The following RSRP1 variants were observed in gnomAD, a reference collection of about 807,000 sequenced individuals.
RSRP1 encodes arginine/serine-rich protein 1.
In RSRP1, 37 loss-of-function variants were observed where a neutral mutation model predicts 33.0. That is an observed-to-expected ratio of 1.12 (90% CI 0.86 to 1.48). The LOEUF is 1.48. RSRP1 is among the 40% of genes most tolerant of loss of function. RSRP1 has a pLI of 0.00. For missense variants in RSRP1, 402 were observed against 385.3 expected (o/e 1.04, Z -0.36); for synonymous variants, 167 against 158.7 (o/e 1.05, Z -0.40).
At chr1:25,315,148 C>G (rs1644371159) in intron 1 of RSRP1, among the ~76,000 whole-genome samples, 1 of 129,582 alleles carries the variant, frequency 7.7e-6, no homozygotes, top group Admixed American at 7.6e-5. Flanking sequence ...CAGCAAGACT[C>G]CATCTCAAAA....
chr1:25,251,012 GA>G (rs1443972697), upstream of RSRP1, among the ~76,000 whole-genome samples: 1 of 148,006 alleles, frequency 6.8e-6, no homozygotes, highest in Non-Finnish European at 1.5e-5. Flanking sequence ...CCAACTCAAA[GA>G]AAAAAATAAT....
Position 25,315,745 on chromosome 1 carries a change from C to G in RSRP1, c.-67+22233G>C, listed in dbSNP as rs1476913393. On this transcript the variant is annotated intron_variant, in intron 1 of 1. Transcript: ENST00000561867. ...TCTCCTGACCTCATGATCTGCCCGC[C>G]TCGGCCTCCCAAAGTGTGGGGATTA... is the stretch of plus-strand genomic sequence containing the variant. Among the ~76,000 whole-genome samples, 2 of 130,286 alleles carry G rather than the reference C, an allele frequency of 1.5e-5. 1 individual carries two copies. The highest frequency in any genetic ancestry group is 3.6e-5 in the Non-Finnish European group (2 of 55,432). The allele number at this position is 130,286 out of a possible 152,430, so 85.5% of individuals were successfully genotyped here. A position where few individuals can be genotyped will look rare whatever the true frequency, so the allele number is the denominator to read the frequency against.
chr1:25,268,269 A>G (rs1640385435), intron 1 of RSRP1, among the ~76,000 whole-genome samples: 1 of 132,524 alleles, frequency 7.5e-6, no homozygotes, highest in Non-Finnish European at 1.8e-5. Flanking sequence ...CTGTAATCCC[A>G]GTACTTTGCG....
chr1:25,316,546 A>G (rs1308426952), intron 1 of RSRP1, among the ~76,000 whole-genome samples: 3 of 98,854 alleles, frequency 3.0e-5, no homozygotes, highest in Non-Finnish European at 7.2e-5. Flanking sequence ...TGGGGGACAG[A>G]GGTTGCAGTG....
At chr1:25,323,570 C>G (rs1273575657) in intron 1 of RSRP1, among the ~76,000 whole-genome samples, 1 of 125,782 alleles carries the variant, frequency 8.0e-6, no homozygotes. Context: ...GGAGATCCTC[C>G]CCCCTCAGCC....
rs1178848516 is a variant in RSRP1 at position 25,290,571 on chromosome 1, G to T, written c.-66-43542C>A. 2.6e-6 allele frequency: 3 copies of T among 1,142,094 alleles called. 1 individual carries two copies. Among genetic ancestry groups the T allele is most frequent in the Admixed American group, 1.8e-5 (1 of 55,318 alleles). 70.7% of individuals were successfully genotyped at this position (1,142,094 alleles called of 1,614,324 possible). A position where few individuals can be genotyped will look rare whatever the true frequency, so the allele number is the denominator to read the frequency against. ...TTGTTGAAAGAATGAATGAATGAAT[G>T]AATGAATGAATGAATGAGTGAGAGG... On this transcript the variant is annotated intron_variant, in intron 1 of 1. Transcript: ENST00000561867.
chr1:25,263,302 G>T (rs1370838670), intron 1 of RSRP1, among the ~76,000 whole-genome samples: 1 of 151,878 alleles, frequency 6.6e-6, no homozygotes, highest in Non-Finnish European at 1.5e-5. Flanking sequence ...TATTCTGCAA[G>T]GTGAAAAGCC....
At chr1:25,314,409 T>G (rs1644324880) in intron 1 of RSRP1, among the ~76,000 whole-genome samples, 1 of 133,242 alleles carries the variant, frequency 7.5e-6, no homozygotes, top group Non-Finnish European at 1.8e-5. Flanking sequence ...CATTTTCTAT[T>G]GTGGTGTTCT....
chr1:25,244,694 G>A, intron 3 of RSRP1: 1 of 1,189,510 alleles, frequency 8.4e-7, no homozygotes, highest in Non-Finnish European at 1.1e-6. Flanking sequence ...AAAAATAAAT[G>A]TATTTTTTGA....
rs2765570 is a variant in RSRP1, at chr1:25,262,624, G to T, written c.-66-15595C>A. Among the ~76,000 whole-genome samples, 20 of 152,272 alleles carry T rather than the reference G, an allele frequency of 1.3e-4. No individual in the cohort carries two copies. The East Asian group carries it at 3.9e-3, about 29-fold the overall frequency. On this transcript the variant is annotated intron_variant, in intron 1 of 1. Coordinates refer to the RSRP1 transcript ENST00000561867. ...ATACTGGTAGCATGGCTCAGTCCAA[G>T]TCCCAAAGCCTCAGAATCAGGAAAG...
At chr1:25,334,702 G>A (rs647572) in intron 1 of RSRP1, among the ~76,000 whole-genome samples, 2,166 of 127,348 alleles carry the variant, frequency 0.017, 388 homozygotes, top group Middle Eastern at 0.033. Context: ...CCAAACCCCA[G>A]TTCTTGACTT....
intron 1 of RSRP1, among the ~76,000 whole-genome samples, chr1:25,270,349 TGACCG>T (rs1640454218): frequency 7.7e-6 from 1 of 130,342 alleles, no homozygotes; most frequent in Non-Finnish European, 1.8e-5. Context: ...GTTAGGAACC[TGACCG>T]CACAGCATGA....
intron 1 of RSRP1, among the ~76,000 whole-genome samples, chr1:25,332,839 G>T (rs1645035665): frequency 7.5e-6 from 1 of 132,664 alleles, no homozygotes; most frequent in African/African-American, 2.6e-5. Context: ...ATATATAAGA[G>T]AGGGTTTATG....
intron 1 of RSRP1, among the ~76,000 whole-genome samples, chr1:25,255,803 C>T (rs1639928281): frequency 6.6e-6 from 1 of 152,122 alleles, no homozygotes; most frequent in Non-Finnish European, 1.5e-5. Flanking sequence ...ATCTAGATTC[C>T]TCGCATGCAC....
chr1:25,282,652 C>G lies in RSRP1; in HGVS notation c.-66-35623G>C, dbSNP rs1036543934. 2.3e-5 allele frequency among the ~76,000 whole-genome samples: 3 copies of G among 132,220 alleles called. 1 individual carries two copies. The highest frequency in any genetic ancestry group is 7.7e-5 in the African/African-American group (3 of 38,848). The allele number at this position is 132,220 out of a possible 152,430, so 86.7% of individuals were successfully genotyped here. A position where few individuals can be genotyped will look rare whatever the true frequency, so the allele number is the denominator to read the frequency against. ...TGAAAAACATTGTCTAGGCTGGGCA[C>G]GATGGCTCATGCCTGTAATCCCAGC... On this transcript the variant is annotated intron_variant, in intron 1 of 1. Coordinates refer to the RSRP1 transcript ENST00000561867.
At chr1:25,244,840 T>C (rs1387331309) in intron 3 of RSRP1, 7 of 987,966 alleles carry the variant, frequency 7.1e-6, no homozygotes, top group African/African-American at 6.8e-5. Flanking sequence ...TGCACCACCA[T>C]GCCTGGCTAA....
chr1:25,287,601 CA>C (rs1642144764), intron 1 of RSRP1, among the ~76,000 whole-genome samples: 1 of 135,392 alleles, frequency 7.4e-6, no homozygotes, highest in African/African-American at 2.5e-5. Flanking sequence ...TGAGTCCCTT[CA>C]GGGGAGGGGC....
rs1255702350 is a variant in RSRP1 at position 25,268,010 on chromosome 1, T to G, written c.-66-20981A>C. 1.5e-5 allele frequency: 2 copies of G among 133,800 alleles called. 1 individual carries two copies. Among genetic ancestry groups the G allele is most frequent in the Non-Finnish European group, 3.6e-5 (2 of 56,310 alleles). The allele number at this position is 133,800 out of a possible 1,614,324, so 8.3% of individuals were successfully genotyped here. A position where few individuals can be genotyped will look rare whatever the true frequency, so the allele number is the denominator to read the frequency against. On this transcript the variant is annotated intron_variant, in intron 1 of 1. Coordinates refer to the RSRP1 transcript ENST00000561867. Reference sequence around the variant, plus strand: ...GACTGAGCCGCGGGGGTGGTACTGCTGCATCCGGGTGTCTGAAGATCCGAT... The same window carrying G: ...GACTGAGCCGCGGGGGTGGTACTGCGGCATCCGGGTGTCTGAAGATCCGAT...
At chr1:25,253,938 CT>C (rs1186315174) in intron 1 of RSRP1, 1 of 152,138 alleles carries the variant, frequency 6.6e-6, no homozygotes, top group Non-Finnish European at 1.5e-5. Context: ...AGTGTGAGAG[CT>C]ACAAAGAGGA....
Sources: allele counts gnomAD v4.1 joint callset (sites outside exome capture counted in the v4.1 genomes callset), GRCh38; gene constraint gnomAD v4.1.1; transcripts MANE v1.5; gene names NCBI Gene and HGNC (gene_info 2026-07-23, HGNC 2026-07-21).